KHDRBS2: variants seen among roughly 807,000 people sequenced by gnomAD.
KHDRBS2 encodes KH RNA binding domain containing, signal transduction associated 2, also known as KH domain-containing, RNA-binding, signal transduction-associated protein 2.
In KHDRBS2, 26 loss-of-function variants were observed where a neutral mutation model predicts 44.3. That is an observed-to-expected ratio of 0.59 (90% CI 0.43 to 0.81). KHDRBS2 has a LOEUF of 0.81. KHDRBS2 is among the 40% of genes least tolerant of loss of function. The pLI is 0.00. For synonymous variants in KHDRBS2, 194 were observed against 151.1 expected (o/e 1.28, Z -2.08); for missense variants, 476 against 433.1 (o/e 1.10, Z -0.88).
intron 2 of KHDRBS2, among the ~76,000 whole-genome samples, chr6:62,087,423 A>G (rs755564809): frequency 5.9e-5 from 9 of 151,624 alleles, no homozygotes; most frequent in South Asian, 2.1e-4. Flanking sequence ...ATTTAGACTA[A>G]TTTAGAAGAC....
At chr6:61,619,160 G>A in the KHDRBS2 span, among the ~76,000 whole-genome samples, 1 of 151,970 alleles carries the variant, frequency 6.6e-6, no homozygotes, top group African/African-American at 2.4e-5. Context: ...AGTGGTTTTT[G>A]TTATATGGAT....
chr6:62,077,598 C>G (rs1168201603), intron 2 of KHDRBS2, among the ~76,000 whole-genome samples: 1 of 151,938 alleles, frequency 6.6e-6, no homozygotes, highest in Non-Finnish European at 1.5e-5. Flanking sequence ...GACAGTTTGC[C>G]TCATCTGTGC....
At chr6:62,009,988 G>A (rs991067620) in intron 3 of KHDRBS2, among the ~76,000 whole-genome samples, 1 of 152,124 alleles carries the variant, frequency 6.6e-6, no homozygotes, top group Non-Finnish European at 1.5e-5. Flanking sequence ...GGAGCTATGA[G>A]AACAGGGCCA....
intron 6 of KHDRBS2, among the ~76,000 whole-genome samples, chr6:61,737,778 A>G (rs1775597616): frequency 6.6e-6 from 1 of 152,088 alleles, no homozygotes; most frequent in Admixed American, 6.6e-5. Context: ...AGATGTGGAA[A>G]CTCATAAGAC....
intron 2 of KHDRBS2, among the ~76,000 whole-genome samples, chr6:62,174,684 T>C (rs1156250314): frequency 6.6e-6 from 1 of 151,786 alleles, no homozygotes; most frequent in Non-Finnish European, 1.5e-5. Flanking sequence ...CATAGTCATT[T>C]ATTGCTCTTT....
At chr6:61,995,121 C>T (rs764186147) in intron 3 of KHDRBS2, among the ~76,000 whole-genome samples, 2 of 152,072 alleles carry the variant, frequency 1.3e-5, no homozygotes, top group Admixed American at 1.3e-4. Context: ...TCATGGCCTA[C>T]AAAGCACTAT....
intron 2 of KHDRBS2, among the ~76,000 whole-genome samples, chr6:62,171,205 A>G (rs1336636911): frequency 6.6e-6 from 1 of 152,098 alleles, no homozygotes; most frequent in Non-Finnish European, 1.5e-5. Flanking sequence ...GTCAAAATCT[A>G]TTCCAAGGAA....
chr6:61,643,981 G>C, the KHDRBS2 span, among the ~76,000 whole-genome samples: 4 of 152,022 alleles, frequency 2.6e-5, no homozygotes, highest in Non-Finnish European at 5.9e-5. Context: ...AACCAAAATA[G>C]AGCCCAAATA....
chr6:61,672,137 T>C, the KHDRBS2 span, among the ~76,000 whole-genome samples: 52 of 140,096 alleles, frequency 3.7e-4, no homozygotes, highest in African/African-American at 1.2e-3. Flanking sequence ...AGAATGATGA[T>C]TTCCAATTTC....
At chr6:62,036,323 G>A (rs768593059) in intron 3 of KHDRBS2, among the ~76,000 whole-genome samples, 16 of 151,872 alleles carry the variant, frequency 1.1e-4, no homozygotes, top group Non-Finnish European at 1.8e-4. Context: ...AATCTTCTAT[G>A]TCCTATAAGT....
intron 2 of KHDRBS2, among the ~76,000 whole-genome samples, chr6:62,060,339 C>G (rs4421181): frequency 6.6e-6 from 1 of 151,390 alleles, no homozygotes; most frequent in Admixed American, 6.6e-5. Flanking sequence ...TTACATTTAA[C>G]GCTGACTTTA....
the KHDRBS2 span, among the ~76,000 whole-genome samples, chr6:61,661,600 A>T: frequency 6.6e-6 from 1 of 151,886 alleles, no homozygotes; most frequent in Non-Finnish European, 1.5e-5. Flanking sequence ...CCTATCTATG[A>T]TCAGTCTCTC....
At chr6:61,825,584 C>T (rs1032801377) in intron 6 of KHDRBS2, among the ~76,000 whole-genome samples, 3 of 152,128 alleles carry the variant, frequency 2.0e-5, no homozygotes, top group African/African-American at 7.2e-5. Context: ...TGTAAAAATT[C>T]ATCTAAGAAA....
At position 61,953,750 on chromosome 6, in the gene KHDRBS2, T is replaced by G. The variant is rs549736490; in HGVS notation, c.483+24316A>C. Among the ~76,000 whole-genome samples the G allele has an allele frequency of 4.6e-5, 7 of 152,214 alleles. No homozygotes were observed. The East Asian group carries it at 1.4e-3, about 30-fold the overall frequency. On this transcript the variant is annotated intron_variant, in intron 4 of 8. Transcript: ENST00000281156. ...ATTTGCTGACACTGTTGGAGAGAGATAGTGCCACGACCTCTCTGCCTACTT... is the reference window on the plus strand; with the variant it reads ...ATTTGCTGACACTGTTGGAGAGAGAGAGTGCCACGACCTCTCTGCCTACTT...
chr6:61,734,598 A>G (rs1231372690), intron 6 of KHDRBS2, among the ~76,000 whole-genome samples: 1 of 151,942 alleles, frequency 6.6e-6, no homozygotes, highest in East Asian at 1.9e-4. Flanking sequence ...TTTCATCATA[A>G]TTTTTCATTA....
intron 4 of KHDRBS2, among the ~76,000 whole-genome samples, chr6:61,912,837 C>T (rs1275954926): frequency 6.6e-6 from 1 of 152,122 alleles, no homozygotes; most frequent in Non-Finnish European, 1.5e-5. Flanking sequence ...ACAAGATATT[C>T]TTAGCAATCA....
rs190826117 is a variant in KHDRBS2, at chr6:62,126,964, G to A, written c.219+50221C>T. ...TGAGTTATTTAGTTCTATCTTTTCCGTGTATCAAATCAGGCTTCCTATGGC... is the reference window on the plus strand; with the variant it reads ...TGAGTTATTTAGTTCTATCTTTTCCATGTATCAAATCAGGCTTCCTATGGC... On this transcript the variant is annotated intron_variant, in intron 2 of 8. Transcript: ENST00000281156. Among the ~76,000 whole-genome samples the A allele has an allele frequency of 2.4e-3, 362 of 152,172 alleles. 1 individual carries two copies. Among genetic ancestry groups the A allele is most frequent in the Non-Finnish European group, 3.9e-3 (263 of 68,014 alleles).
At chr6:61,881,000 G>T (rs900697766) in intron 6 of KHDRBS2, among the ~76,000 whole-genome samples, 2 of 151,922 alleles carry the variant, frequency 1.3e-5, no homozygotes, top group African/African-American at 4.8e-5. Flanking sequence ...CAGGGATTGT[G>T]TGCAGCTTCT....
chr6:62,231,353 GGAGA>G (rs1049502629), intron 1 of KHDRBS2, among the ~76,000 whole-genome samples: 9 of 152,184 alleles, frequency 5.9e-5, no homozygotes, highest in African/African-American at 2.2e-4. Flanking sequence ...CATGGCAGCA[GGAGA>G]GAGAAGTTCG....
Sources: allele counts gnomAD v4.1 joint callset (sites outside exome capture counted in the v4.1 genomes callset), GRCh38; gene constraint gnomAD v4.1.1; transcripts MANE v1.5; gene names NCBI Gene and HGNC (gene_info 2026-07-23, HGNC 2026-07-21).